Variants in TMEM178B observed in about 807,000 individuals in gnomAD.
The protein encoded by TMEM178B is transmembrane protein 178B.
In TMEM178B, 5 loss-of-function variants were observed where a neutral mutation model predicts 31.0. The ratio of observed to expected loss-of-function variants is 0.16; its 90% CI spans 0.08 to 0.34. TMEM178B has a LOEUF of 0.34. Among genes scored for constraint, TMEM178B ranks in the 10% least tolerant of loss-of-function variants. The pLI, the probability that TMEM178B is intolerant of heterozygous loss-of-function variation, is 1.00. For synonymous variants in TMEM178B, 164 were observed against 164.0 expected (o/e 1.00, Z 0.00); for missense variants, 275 against 400.3 (o/e 0.69, Z 2.67).
At chr7:141,322,865 T>G (rs1215488756) in intron 2 of TMEM178B, among the ~76,000 whole-genome samples, 1 of 152,198 alleles carries the variant, frequency 6.6e-6, no homozygotes, top group Non-Finnish European at 1.5e-5. Context: ...TAAACCCCCC[T>G]GCCCCATTGT....
intron 2 of TMEM178B, chr7:141,414,570 A>G (rs1191863552): frequency 6.6e-6 from 1 of 152,650 alleles, no homozygotes; most frequent in African/African-American, 2.4e-5. Flanking sequence ...TTGGAAATTA[A>G]TACTTCACTA....
chr7:141,187,064 T>A (rs1028732844), intron 1 of TMEM178B, among the ~76,000 whole-genome samples: 2 of 150,516 alleles, frequency 1.3e-5, no homozygotes, highest in Non-Finnish European at 3.0e-5. Flanking sequence ...TAGCATTAGG[T>A]ATATCTCCTA....
chr7:141,308,352 C>G (rs925962966), intron 2 of TMEM178B, among the ~76,000 whole-genome samples: 8 of 152,178 alleles, frequency 5.3e-5, no homozygotes, highest in Admixed American at 3.9e-4. Flanking sequence ...ATGTGTTGTA[C>G]ATTTTTCACC....
chr7:141,223,479 CTTTTTT>C (rs10680431), intron 2 of TMEM178B, among the ~76,000 whole-genome samples: 10 of 131,160 alleles, frequency 7.6e-5, no homozygotes, highest in African/African-American at 3.0e-4. Flanking sequence ...TGTTTTCACT[CTTTTTT>C]TTTTTTTTTT....
intron 1 of TMEM178B, among the ~76,000 whole-genome samples, chr7:141,192,701 G>A (rs1234344800): frequency 6.6e-6 from 1 of 152,120 alleles, no homozygotes; most frequent in Admixed American, 6.5e-5. Context: ...TCTGACCTTA[G>A]GTGATCCACC....
intron 1 of TMEM178B, among the ~76,000 whole-genome samples, chr7:141,197,848 G>T (rs1307703421): frequency 1.3e-5 from 2 of 152,128 alleles, no homozygotes; most frequent in East Asian, 3.9e-4. Flanking sequence ...GGCCAAGCTG[G>T]TCTCGAACTC....
At chr7:141,129,171 G>C (rs1292841021) in intron 1 of TMEM178B, among the ~76,000 whole-genome samples, 14 of 152,154 alleles carry the variant, frequency 9.2e-5, no homozygotes, top group Non-Finnish European at 1.5e-5. Flanking sequence ...CGTGTGTCCT[G>C]GGGAGCTAGC....
the TMEM178B span, among the ~76,000 whole-genome samples, chr7:141,508,781 C>T: frequency 6.6e-6 from 1 of 152,258 alleles, no homozygotes; most frequent in Middle Eastern, 3.4e-3. Flanking sequence ...GAAAGACTGG[C>T]CCCATGATTT....
intron 2 of TMEM178B, among the ~76,000 whole-genome samples, chr7:141,330,188 A>T (rs964849595): frequency 6.6e-6 from 1 of 152,166 alleles, no homozygotes. Flanking sequence ...AACATGTTCT[A>T]TGATGGTTTG....
downstream of TMEM178B, among the ~76,000 whole-genome samples, chr7:141,481,683 G>A (rs182080740): frequency 2.0e-5 from 3 of 152,152 alleles, no homozygotes; most frequent in East Asian, 3.8e-4. Context: ...GTGAGGGCAG[G>A]TGACTTATAG....
chr7:141,382,043 C>T (rs761078640), intron 2 of TMEM178B, among the ~76,000 whole-genome samples: 4 of 152,202 alleles, frequency 2.6e-5, no homozygotes, highest in Non-Finnish European at 5.9e-5. Context: ...CTGGATTCTC[C>T]TCTCCCATTC....
the TMEM178B span, among the ~76,000 whole-genome samples, chr7:141,496,669 CAA>C: frequency 3.0e-5 from 1 of 33,254 alleles, no homozygotes; most frequent in Non-Finnish European, 5.9e-5. Context: ...GACTCCGTCT[CAA>C]AAAAAAAAAA....
intron 1 of TMEM178B, among the ~76,000 whole-genome samples, chr7:141,161,358 G>C (rs147892775): frequency 3.3e-5 from 5 of 152,142 alleles, no homozygotes; most frequent in Admixed American, 2.0e-4. Flanking sequence ...CTGCAGAAAG[G>C]CTCGACGGGA....
intron 3 of TMEM178B, among the ~76,000 whole-genome samples, chr7:141,465,501 C>T (rs1178202353): frequency 6.6e-6 from 1 of 152,154 alleles, no homozygotes; most frequent in Non-Finnish European, 1.5e-5. Context: ...GGTCCTTGCC[C>T]ATATGTCTCC....
chr7:141,174,829 C>T (rs559028439), intron 1 of TMEM178B, among the ~76,000 whole-genome samples: 42 of 152,150 alleles, frequency 2.8e-4, no homozygotes, highest in African/African-American at 8.9e-4. Flanking sequence ...TCATGTAAAT[C>T]TGTTTAAGTT....
At chr7:141,215,431 T>C (rs936232754) in intron 2 of TMEM178B, among the ~76,000 whole-genome samples, 3 of 151,906 alleles carry the variant, frequency 2.0e-5, no homozygotes, top group Non-Finnish European at 2.9e-5. Flanking sequence ...GTTCATGCGA[T>C]TCTCCTGCCT....
intron 1 of TMEM178B, among the ~76,000 whole-genome samples, chr7:141,078,643 A>C (rs1316724073): frequency 2.0e-5 from 3 of 152,172 alleles, no homozygotes; most frequent in Non-Finnish European, 4.4e-5. Context: ...GAACACAGAG[A>C]AAGTGATGGT....
rs1299425903 is a variant in TMEM178B, at chr7:141,344,606, TCCTTCCTTCCTTCCTTCCTTCCTC to T, written c.497-92992_497-92969del. On this transcript the variant is annotated intron_variant, in intron 2 of 3. Coordinates refer to ENST00000565468, the MANE Select transcript of TMEM178B (RefSeq NM_001195278.2). This position sits in a 1 kb window ranked among gnomAD's most constrained non-coding sequence, Gnocchi z 4.1. The stretch of plus-strand genomic sequence containing the variant: ...TTCCTTCCTTCCTTCCTTCCTTCCT[TCCTTCCTTCCTTCCTTCCTTCCTC>T]CCTTCCTTCTTCCCTTCATCAAAAG... Among the ~76,000 whole-genome samples the T allele has an allele frequency of 6.7e-6, 1 of 150,096 alleles. No individual in the cohort carries two copies. The highest frequency in any genetic ancestry group is 1.5e-5 in the Non-Finnish European group (1 of 67,594).
In TMEM178B at chr7:141,368,389, T is replaced by G. The variant is rs184335702; in HGVS notation, c.497-69219T>G. ...TGATATCATACTATTTTGCATGTTT[T>G]AAACTTCTCTGAGCTGTAAGGTATA... On this transcript the variant is annotated intron_variant, in intron 2 of 3. Coordinates refer to ENST00000565468, the MANE Select transcript of TMEM178B (RefSeq NM_001195278.2). Among the ~76,000 whole-genome samples the G allele has an allele frequency of 2.6e-3, 391 of 152,366 alleles. 3 individuals are homozygous for G. Among genetic ancestry groups the G allele is most frequent in the African/African-American group, 8.6e-3 (356 of 41,586 alleles).
Sources: gnomAD v4.1 joint callset for allele counts (sites outside exome capture counted in the v4.1 genomes callset) on GRCh38, gnomAD v4.1.1 for gene constraint, Gnocchi (gnomAD v3.1) non-coding constraint, MANE v1.5 for transcripts, NCBI Gene and HGNC (gene_info 2026-07-23, HGNC 2026-07-21) for gene names.